The following LMBR1 variants were observed in gnomAD, a reference collection of about 807,000 sequenced individuals.
LMBR1 encodes limb region 1 protein homolog.
In LMBR1, 52 loss-of-function variants were observed where a neutral mutation model predicts 73.9. That is an observed-to-expected ratio of 0.70 (90% CI 0.56 to 0.89). LMBR1 has a LOEUF of 0.89. LMBR1 is among the 40% of genes least tolerant of loss of function. The pLI is 0.00. For missense variants in LMBR1, 539 were observed against 579.8 expected (o/e 0.93, Z 0.72); for synonymous variants, 215 against 209.4 (o/e 1.03, Z -0.23).
At chr7:156,840,684 G>A (rs1285619891) in intron 1 of LMBR1, among the ~76,000 whole-genome samples, 3 of 151,886 alleles carry the variant, frequency 2.0e-5, no homozygotes, top group Non-Finnish European at 4.4e-5. Flanking sequence ...TGGAGGCCGG[G>A]CGCGGTGGCT....
chr7:156,727,899 A>G (rs1363648513), intron 12 of LMBR1, 31 bp downstream of exon 12: 1 of 1,537,834 alleles, frequency 6.5e-7, no homozygotes, highest in East Asian at 2.3e-5. Flanking sequence ...ACTTTTGCAA[A>G]AGAAAGACAT....
chr7:156,868,414 G>A (rs1022498434), intron 1 of LMBR1, among the ~76,000 whole-genome samples: 18 of 151,978 alleles, frequency 1.2e-4, no homozygotes, highest in Non-Finnish European at 2.9e-5. Context: ...GGTGGCTCAC[G>A]CCTGTTATCC....
chr7:156,784,793 G>A (rs1024210807), intron 5 of LMBR1, among the ~76,000 whole-genome samples: 1 of 152,096 alleles, frequency 6.6e-6, no homozygotes, highest in African/African-American at 2.4e-5. Flanking sequence ...ACTCTACACA[G>A]ATGTAAAAGG....
At chr7:156,798,295 C>T (rs906965759) in intron 4 of LMBR1, among the ~76,000 whole-genome samples, 4 of 152,146 alleles carry the variant, frequency 2.6e-5, no homozygotes, top group Non-Finnish European at 5.9e-5. Context: ...AGTTACAGCA[C>T]CAGAGGCTAC....
At position 156,669,996 on chromosome 7, in the gene LMBR1, T is replaced by G. The variant is rs1245934189; in HGVS notation, n.867-709A>C. ...CAAGTACTAAAAGTATAAAGCTGTA[T>G]GTACTTCTGTGGCCTCTCTCTCCAG... On this transcript the variant is annotated intron_variant and non_coding_transcript_variant, in intron 4 of 4. Transcript: ENST00000430825. This position sits in a 1 kb window ranked among gnomAD's most constrained non-coding sequence, Gnocchi z 4.2. Among the ~76,000 whole-genome samples the G allele has an allele frequency of 4.6e-5, 7 of 152,242 alleles. No individual in the cohort carries two copies. Among genetic ancestry groups the G allele is most frequent in the Admixed American group, 4.6e-4 (7 of 15,294 alleles).
intron 11 of LMBR1, among the ~76,000 whole-genome samples, chr7:156,728,265 G>T (rs1034863460): frequency 2.0e-5 from 3 of 152,096 alleles, no homozygotes; most frequent in Non-Finnish European, 4.4e-5. Flanking sequence ...TCACCAATTG[G>T]AAACACACAA....
At chr7:156,751,591 C>G (rs1820892251) in intron 9 of LMBR1, among the ~76,000 whole-genome samples, 1 of 152,136 alleles carries the variant, frequency 6.6e-6, no homozygotes, top group Non-Finnish European at 1.5e-5. Context: ...CGCACGGAAG[C>G]CATTAGGAAG....
chr7:156,886,013 C>A (rs1043001978), intron 1 of LMBR1, among the ~76,000 whole-genome samples: 1 of 150,442 alleles, frequency 6.6e-6, no homozygotes, highest in Non-Finnish European at 1.5e-5. Flanking sequence ...GCACTCCAGC[C>A]TGGGTGACAG....
chr7:156,709,681 A>T (rs1223288319), intron 15 of LMBR1, among the ~76,000 whole-genome samples: 1 of 152,074 alleles, frequency 6.6e-6, no homozygotes, highest in Non-Finnish European at 1.5e-5. Context: ...TCAAGGGATC[A>T]CCCAGTGGAA....
chr7:156,699,143 C>T (rs1018397040), intron 15 of LMBR1, among the ~76,000 whole-genome samples: 1 of 151,982 alleles, frequency 6.6e-6, no homozygotes, highest in African/African-American at 2.4e-5. Flanking sequence ...AGTCTCTTTG[C>T]TAAAACATAA....
intron 4 of LMBR1, among the ~76,000 whole-genome samples, chr7:156,671,182 A>G (rs1802411512): frequency 6.6e-6 from 1 of 152,232 alleles, no homozygotes; most frequent in African/African-American, 2.4e-5. Flanking sequence ...AGCAAAAATT[A>G]AGAAACCAAT....
At chr7:156,877,902 G>A (rs527822443) in intron 1 of LMBR1, among the ~76,000 whole-genome samples, 7 of 148,942 alleles carry the variant, frequency 4.7e-5, no homozygotes, top group African/African-American at 7.4e-5. Flanking sequence ...AAAAAAATAC[G>A]CAAGTCAATA....
chr7:156,762,631 G>C (rs1167708599), intron 7 of LMBR1, among the ~76,000 whole-genome samples: 1 of 152,202 alleles, frequency 6.6e-6, no homozygotes. Context: ...TTATCCCTGA[G>C]ATAGGCTGTG....
chr7:156,885,801 C>T (rs1028221202), intron 1 of LMBR1, among the ~76,000 whole-genome samples: 2 of 152,114 alleles, frequency 1.3e-5, no homozygotes, highest in Non-Finnish European at 2.9e-5. Flanking sequence ...TCACTTGAAC[C>T]CGGGAAGCAG....
chr7:156,771,387 G>C (rs1332049416), intron 5 of LMBR1, among the ~76,000 whole-genome samples: 1 of 152,142 alleles, frequency 6.6e-6, no homozygotes, highest in East Asian at 1.9e-4. Flanking sequence ...AAGTGACAAA[G>C]ACGGCATTAC....
At chr7:156,884,814 AT>A (rs2134518594) in intron 1 of LMBR1, among the ~76,000 whole-genome samples, 1 of 152,352 alleles carries the variant, frequency 6.6e-6, no homozygotes, top group Non-Finnish European at 1.5e-5. Context: ...TACATACAAG[AT>A]TGGTGATTGG....
intron 9 of LMBR1, among the ~76,000 whole-genome samples, chr7:156,737,201 C>G (rs1380825974): frequency 6.6e-6 from 1 of 152,158 alleles, no homozygotes; most frequent in Non-Finnish European, 1.5e-5. Context: ...TTTGCTCTTA[C>G]ATTATAGTTT....
chr7:156,891,754 C>T (rs1803040944), intron 1 of LMBR1, among the ~76,000 whole-genome samples: 1 of 152,168 alleles, frequency 6.6e-6, no homozygotes, highest in Non-Finnish European at 1.5e-5. Flanking sequence ...ATTACATGAA[C>T]TTATCTCTGT....
intron 1 of LMBR1, among the ~76,000 whole-genome samples, chr7:156,872,721 T>C (rs543897156): frequency 8.6e-5 from 13 of 150,636 alleles, no homozygotes; most frequent in South Asian, 2.1e-4. Flanking sequence ...CCATAAAACA[T>C]TGATGAAAGA....
Sources: allele counts gnomAD v4.1 joint callset (sites outside exome capture counted in the v4.1 genomes callset), GRCh38; gene constraint gnomAD v4.1.1; non-coding constraint Gnocchi (gnomAD v3.1); transcripts MANE v1.5; gene names NCBI Gene and HGNC (gene_info 2026-07-23, HGNC 2026-07-21).